The following INTS8 variants were observed in gnomAD, a reference collection of about 807,000 sequenced individuals.
INTS8 encodes integrator complex subunit 8.
Under a neutral mutation model 138.9 loss-of-function variants are expected in INTS8, and 47 were observed. That is an observed-to-expected ratio of 0.34 (90% CI 0.27 to 0.43). The LOEUF (loss-of-function observed/expected upper bound fraction) is 0.43. Ranked by LOEUF, INTS8 falls within the 20% of genes least tolerant of loss-of-function variation. The pLI is 1.00. For missense variants in INTS8, 996 were observed against 1,173.0 expected, an observed-to-expected ratio of 0.85 and a Z score of 2.20; for synonymous variants, 392 against 400.9, an observed-to-expected ratio of 0.98 and a Z score of 0.27.
chr8:94,827,711 C>T lies in INTS8; in HGVS notation c.447-11C>T. ...ATGTATGAAATTTTCTTTTTCCTGT[C>T]TTTTCTTCAGGGCAATTAGGACAAT... is the stretch of plus-strand genomic sequence containing the variant. On this transcript the variant is annotated splice_polypyrimidine_tract_variant and intron_variant, in intron 3 of 26. Transcript: ENST00000523731. The T allele has an allele frequency of 6.2e-7, 1 of 1,610,152 alleles. No individual in the cohort carries two copies. The highest frequency in any genetic ancestry group is 8.5e-7 in the Non-Finnish European group (1 of 1,177,078).
chr8:94,877,589 C>T (rs937027344), intron 26 of INTS8, among the ~76,000 whole-genome samples: 1 of 152,182 alleles, frequency 6.6e-6, no homozygotes, highest in African/African-American at 2.4e-5. Flanking sequence ...TTACTAGCTC[C>T]TGTAAGTATC....
intron 10 of INTS8, among the ~76,000 whole-genome samples, chr8:94,848,606 C>A (rs1182560404): frequency 6.6e-6 from 1 of 152,154 alleles, no homozygotes; most frequent in Admixed American, 6.6e-5. Context: ...TAACTGGCTT[C>A]TTAGCACGTT....
In INTS8 at chr8:94,881,092, A is replaced by G. The variant is rs1183910164; in HGVS notation, c.*858A>G. 2.5e-6 allele frequency: 1 copy of G among 397,248 alleles called. No homozygotes were observed. The highest frequency in any genetic ancestry group is 4.4e-6 in the Non-Finnish European group (1 of 225,298). 24.6% of individuals were successfully genotyped at this position (397,248 alleles called of 1,614,324 possible). ...CATTTGTAGAAATTCAAGTTTTATA[A>G]TAGCTTGCTATAGCAGCTATAGATA... is the stretch of plus-strand genomic sequence containing the variant. On this transcript the variant is annotated 3_prime_UTR_variant, in exon 27 of 27. Coordinates refer to ENST00000523731, the MANE Select transcript of INTS8 (RefSeq NM_017864.4).
intron 11 of INTS8, 36 bp downstream of exon 11, chr8:94,849,568 TAA>T: frequency 8.0e-7 from 1 of 1,251,052 alleles, no homozygotes; most frequent in Non-Finnish European, 1.1e-6. Flanking sequence ...TTTTTTTTTT[TAA>T]CTTTGAACTT....
In INTS8 at chr8:94,876,399, A is replaced by G. The variant is rs370324502; in HGVS notation, c.2828-47A>G. On this transcript the variant is annotated intron_variant, in intron 25 of 26. Transcript: ENST00000523731. The stretch of plus-strand genomic sequence containing the variant: ...ACTGAAAATGAGTTGAGATTCTCTC[A>G]TTATATTTAATACTATCAGATTTAT... 1.9e-3 allele frequency: 2,662 copies of G among 1,397,834 alleles called. 35 individuals are homozygous for G. In the South Asian group the frequency reaches 0.02, roughly 10 times the overall value. The allele number at this position is 1,397,834 out of a possible 1,614,324, so 86.6% of individuals were successfully genotyped here. A position where few individuals can be genotyped will look rare whatever the true frequency, so the allele number is the denominator to read the frequency against.
chr8:94,871,462 A>C (rs1245865587), intron 20 of INTS8, among the ~76,000 whole-genome samples: 1 of 151,728 alleles, frequency 6.6e-6, no homozygotes, highest in Non-Finnish European at 1.5e-5. Flanking sequence ...TGGGCGACAG[A>C]GTGAGACTCC....
rs58388097 is a variant in INTS8, at chr8:94,848,013, C to CTTTTTTTTTTTTTTTTTTTTT, written c.1261-1436_1261-1435insTTTTTTTTTTTTTTTTTTTTT. 1.0e-3 allele frequency among the ~76,000 whole-genome samples: 135 copies of CTTTTTTTTTTTTTTTTTTTTT among 129,962 alleles called. 3 individuals carry two copies. Among genetic ancestry groups the CTTTTTTTTTTTTTTTTTTTTT allele is most frequent in the Middle Eastern group, 4.6e-3 (1 of 216 alleles). 85.3% of individuals were successfully genotyped at this position (129,962 alleles called of 152,430 possible). On this transcript the variant is annotated intron_variant, in intron 10 of 26. Transcript: ENST00000523731. ...TGAACATAGCACTTTTAAAACACTG[C>CTTTTTTTTTTTTTTTTTTTTT]TTTTTTTTTTTTTGAGATGGAGTCT...
At chr8:94,829,899 G>T (rs1413164668) in intron 5 of INTS8, among the ~76,000 whole-genome samples, 1 of 152,046 alleles carries the variant, frequency 6.6e-6, no homozygotes, top group Non-Finnish European at 1.5e-5. Flanking sequence ...AATTACAGCA[G>T]TTTATTTTTT....
At chr8:94,857,737 CA>C (rs1050269831) in intron 15 of INTS8, among the ~76,000 whole-genome samples, 2 of 152,208 alleles carry the variant, frequency 1.3e-5, no homozygotes, top group Non-Finnish European at 2.9e-5. Flanking sequence ...TCTCTTCTTA[CA>C]AGGACACCAG....
In INTS8 at chr8:94,876,498, C is replaced by T. The variant is rs758172647; in HGVS notation, c.2871+9C>T. On this transcript the variant is annotated intron_variant, in intron 26 of 26. Transcript: ENST00000523731. ...ATAAAAGACAAATTGCAGTAAGTTA[C>T]CTTATGCCTTTCTTCAGTGGTACAG... 7.9e-6 allele frequency: 12 copies of T among 1,520,484 alleles called. No homozygotes were observed. Among genetic ancestry groups the T allele is most frequent in the African/African-American group, 1.4e-5 (1 of 72,684 alleles). 94.2% of individuals were successfully genotyped at this position (1,520,484 alleles called of 1,614,324 possible).
At chr8:94,824,704 ACTT>A (rs1369999427) in intron 1 of INTS8, among the ~76,000 whole-genome samples, 186 bp from the exon 2 acceptor site, 1 of 144,674 alleles carries the variant, frequency 6.9e-6, no homozygotes, top group Non-Finnish European at 1.5e-5. Context: ...CCCCAGGCAC[ACTT>A]CTTACATACG....
At position 94,881,587 on chromosome 8, in the gene INTS8, T is replaced by A; in HGVS notation, c.*1353T>A. The A allele has an allele frequency of 6.2e-7, 1 of 1,603,370 alleles. No homozygotes were observed. On this transcript the variant is annotated 3_prime_UTR_variant, in exon 27 of 27. Coordinates refer to ENST00000523731, the MANE Select transcript of INTS8 (RefSeq NM_017864.4). ...TTTAGTAGTTCAGTGATACCAGTTC[T>A]ACCCAATCTTGGTGAATTCCAACTT...
chr8:94,848,987 T>C (rs1186481308), intron 10 of INTS8, among the ~76,000 whole-genome samples: 1 of 152,144 alleles, frequency 6.6e-6, no homozygotes, highest in Non-Finnish European at 1.5e-5. Flanking sequence ...TTGTTTACTT[T>C]TTAAACCTTG....
intron 6 of INTS8, among the ~76,000 whole-genome samples, chr8:94,832,750 G>C (rs1274642111): frequency 6.6e-6 from 1 of 152,004 alleles, no homozygotes; most frequent in South Asian, 2.1e-4. Context: ...CGCCTCCCGG[G>C]TTCATGCCAT....
intron 20 of INTS8, 168 bp downstream of exon 20, chr8:94,867,505 T>G: frequency 1.8e-6 from 1 of 555,960 alleles, no homozygotes. Context: ...CTGTAAATTG[T>G]GGATAAGGCA....
chr8:94,851,131 C>G (rs1176086834), intron 12 of INTS8, among the ~76,000 whole-genome samples: 1 of 152,054 alleles, frequency 6.6e-6, no homozygotes, highest in African/African-American at 2.4e-5. Context: ...GAGCATGCCC[C>G]TTTCTCTCAT....
intron 6 of INTS8, among the ~76,000 whole-genome samples, chr8:94,834,922 T>C (rs7005317): frequency 0.76 from 115,620 of 152,028 alleles, 44,039 homozygotes; most frequent in Middle Eastern, 0.81. Context: ...AGGTTGGTTT[T>C]GTGGTATAAA....
rs778057148 is a variant in INTS8, at chr8:94,865,549, C to T, written c.2120C>T (p.Pro707Leu). Residue 707 changes from proline (P) to leucine (L), a missense_variant, in exon 17 of 27, where the codon CCT becomes CTT. Physicochemically the swap from Pro to Leu is moderately conservative, Grantham distance 98. Transcript: ENST00000523731. ...LAATCKELPGPKESRRTAKDL... is the reference protein window; with the variant it reads ...LAATCKELPGLKESRRTAKDL... ...GCTACATGCAAAGAACTTCCAGGCC[C>T]TAAAGAAAGTAGACGGACTGCCAAA... The T allele has an allele frequency of 1.2e-6, 2 of 1,614,052 alleles. No homozygotes were observed. Among genetic ancestry groups the T allele is most frequent in the South Asian group, 2.2e-5 (2 of 91,080 alleles).
chr8:94,823,900 C>T (rs908084828), intron 1 of INTS8, among the ~76,000 whole-genome samples: 3 of 152,310 alleles, frequency 2.0e-5, no homozygotes, highest in East Asian at 3.9e-4. Context: ...TGACCAGACG[C>T]CTCCTTCAAC....
Sources: allele counts gnomAD v4.1 joint callset (sites outside exome capture counted in the v4.1 genomes callset), GRCh38; gene constraint gnomAD v4.1.1; transcripts MANE v1.5; gene names NCBI Gene and HGNC (gene_info 2026-07-23, HGNC 2026-07-21).